Variants in TRAPPC9 observed in about 807,000 individuals in gnomAD.
The protein encoded by TRAPPC9 is IKK2 binding protein.
Under a neutral mutation model 124.0 loss-of-function variants are expected in TRAPPC9, and 83 were observed. That is an observed-to-expected ratio of 0.67 (90% CI 0.56 to 0.80). TRAPPC9 has a LOEUF of 0.80. TRAPPC9 is among the 30% of genes least tolerant of loss of function. The pLI, the probability that TRAPPC9 is intolerant of heterozygous loss-of-function variation, is 0.00. For missense variants in TRAPPC9, 1,302 were observed against 1,508.3 expected (o/e 0.86, Z 2.27); for synonymous variants, 638 against 617.5 (o/e 1.03, Z -0.49).
chr8:140,046,827 G>A (rs1841626625), intron 17 of TRAPPC9, among the ~76,000 whole-genome samples: 2 of 152,186 alleles, frequency 1.3e-5, no homozygotes, highest in South Asian at 2.1e-4. Flanking sequence ...ACTAAGATCT[G>A]GGTTCATATC....
chr8:140,360,077 T>C lies in TRAPPC9; in HGVS notation c.1468A>G (p.Thr490Ala). The change falls in exon 9 of 23, where the codon ACC becomes GCC. Residue 490 changes from threonine (T) to alanine (A), a missense_variant. Physicochemically the swap from Thr to Ala is moderately conservative, Grantham distance 58. Coordinates refer to ENST00000438773, the MANE Select transcript of TRAPPC9 (RefSeq NM_001160372.4). ...SVRHLSFLLQ[T>A]MLDFLSDQEK... ...TGATCCGACAAGAAGTCCAGCATGGTCTGTAGAAGGAAGGACAGGTGTCTG... is the reference window on the plus strand; with the variant it reads ...TGATCCGACAAGAAGTCCAGCATGGCCTGTAGAAGGAAGGACAGGTGTCTG... The C allele has an allele frequency of 6.2e-7, 1 of 1,614,076 alleles. No individual in the cohort carries two copies. Among genetic ancestry groups the C allele is most frequent in the Non-Finnish European group, 8.5e-7 (1 of 1,180,012 alleles).
At chr8:140,240,985 C>T (rs2063844127) in intron 16 of TRAPPC9, among the ~76,000 whole-genome samples, 1 of 152,224 alleles carries the variant, frequency 6.6e-6, no homozygotes, top group African/African-American at 2.4e-5. Flanking sequence ...GCCATTCCCA[C>T]GGGGATCCCC....
chr8:140,213,830 A>G (rs2063124732), intron 17 of TRAPPC9, among the ~76,000 whole-genome samples: 1 of 152,258 alleles, frequency 6.6e-6, no homozygotes, highest in South Asian at 2.1e-4. Flanking sequence ...GCAAGCTATA[A>G]GCAGGTGTGG....
chr8:140,057,684 G>A (rs1842368208), intron 17 of TRAPPC9, among the ~76,000 whole-genome samples: 1 of 152,120 alleles, frequency 6.6e-6, no homozygotes, highest in Non-Finnish European at 1.5e-5. Flanking sequence ...CTGGGAGAGG[G>A]GAAACGGACA....
intron 20 of TRAPPC9, among the ~76,000 whole-genome samples, chr8:139,909,817 C>A (rs1240995120): frequency 1.3e-5 from 2 of 152,206 alleles, no homozygotes; most frequent in Non-Finnish European, 2.9e-5. Context: ...GTCTGTGAAC[C>A]CCCTGAGCCC....
At chr8:140,454,641 A>G (rs924991515) in intron 1 of TRAPPC9, among the ~76,000 whole-genome samples, 1 of 34,642 alleles carries the variant, frequency 2.9e-5, no homozygotes, top group Non-Finnish European at 6.0e-5. Context: ...ACTCCCTCTC[A>G]AAAAAAAAAA....
chr8:140,218,883 C>G (rs1158620430), intron 17 of TRAPPC9, among the ~76,000 whole-genome samples: 2 of 152,038 alleles, frequency 1.3e-5, no homozygotes, highest in Non-Finnish European at 2.9e-5. Context: ...TCGCTTGAAC[C>G]CAGGAGGCAG....
chr8:139,910,319 C>T lies in TRAPPC9; in HGVS notation c.2811-19G>A. 6.2e-7 allele frequency: 1 copy of T among 1,614,126 alleles called. No individual in the cohort carries two copies. The highest frequency in any genetic ancestry group is 8.5e-7 in the Non-Finnish European group (1 of 1,179,996). On this transcript the variant is annotated intron_variant, in intron 19 of 22. Transcript: ENST00000438773. ...AGCCATTCTACGAGAAAGGGGAAAA[C>T]ACAGCAGAGAATTCATCAGTAGGGC...
intron 9 of TRAPPC9, among the ~76,000 whole-genome samples, chr8:140,334,457 C>G (rs1456135844): frequency 6.6e-6 from 1 of 152,102 alleles, no homozygotes; most frequent in Non-Finnish European, 1.5e-5. Flanking sequence ...CGACACTAGC[C>G]TAGCCAACGT....
At chr8:140,299,793 A>T (rs2065914844) in intron 11 of TRAPPC9, among the ~76,000 whole-genome samples, 1 of 152,238 alleles carries the variant, frequency 6.6e-6, no homozygotes, top group Non-Finnish European at 1.5e-5. Flanking sequence ...GAGCTCAGAC[A>T]CAGGAAAGCT....
chr8:139,876,028 C>T (rs763726636), intron 21 of TRAPPC9, among the ~76,000 whole-genome samples: 2 of 152,264 alleles, frequency 1.3e-5, no homozygotes, highest in Non-Finnish European at 2.9e-5. Flanking sequence ...GGCTTTCTCA[C>T]TCCCTTTTCC....
intron 15 of TRAPPC9, among the ~76,000 whole-genome samples, chr8:140,269,401 C>T (rs918986775): frequency 6.6e-6 from 1 of 151,764 alleles, no homozygotes; most frequent in Non-Finnish European, 1.5e-5. Context: ...ATTAGCTGGG[C>T]GTGGTGGCAG....
intron 17 of TRAPPC9, among the ~76,000 whole-genome samples, chr8:140,162,935 T>A (rs1182131325): frequency 6.6e-6 from 1 of 152,116 alleles, no homozygotes; most frequent in Non-Finnish European, 1.5e-5. Flanking sequence ...AAGACTGTAG[T>A]TAGCTATAAT....
At chr8:140,287,527 G>T in intron 13 of TRAPPC9, 81 bp downstream of exon 13, 7 of 1,568,114 alleles carry the variant, frequency 4.5e-6, no homozygotes, top group Non-Finnish European at 6.1e-6. Context: ...CATGACGGGC[G>T]ATCGGCTCTG....
intron 21 of TRAPPC9, among the ~76,000 whole-genome samples, chr8:139,747,318 G>A (rs1818965765): frequency 6.6e-6 from 1 of 152,052 alleles, no homozygotes; most frequent in Admixed American, 6.5e-5. Context: ...CACCCAGGGG[G>A]TTTGGAGGAA....
intron 17 of TRAPPC9, among the ~76,000 whole-genome samples, chr8:140,141,108 GTTCAT>G (rs1449205186): frequency 6.6e-6 from 1 of 152,206 alleles, no homozygotes. Flanking sequence ...TCATGGGAGA[GTTCAT>G]TAAAAGCATG....
intron 21 of TRAPPC9, among the ~76,000 whole-genome samples, chr8:139,802,861 C>CGT (rs1199470814): frequency 4.0e-5 from 6 of 151,600 alleles, no homozygotes; most frequent in Non-Finnish European, 8.8e-5. Flanking sequence ...TCTGAAGGTG[C>CGT]GTGTGTGTGT....
intron 17 of TRAPPC9, among the ~76,000 whole-genome samples, chr8:140,179,639 T>G (rs1300972811): frequency 1.3e-5 from 2 of 152,138 alleles, no homozygotes; most frequent in African/African-American, 4.8e-5. Flanking sequence ...ATTCTTTCTA[T>G]TTGATCTATC....
chr8:140,149,514 G>A (rs1308404715), intron 17 of TRAPPC9, among the ~76,000 whole-genome samples: 1 of 152,050 alleles, frequency 6.6e-6, no homozygotes, highest in Non-Finnish European at 1.5e-5. Context: ...CAGCTACTCA[G>A]GAGGCTGAGG....
Sources: allele counts gnomAD v4.1 joint callset (sites outside exome capture counted in the v4.1 genomes callset), GRCh38; gene constraint gnomAD v4.1.1; transcripts MANE v1.5; gene names NCBI Gene and HGNC (gene_info 2026-07-23, HGNC 2026-07-21).